The following PITPNC1 variants were observed in gnomAD, a reference collection of about 807,000 sequenced individuals.
The protein encoded by PITPNC1 is cytoplasmic phosphatidylinositol transfer protein 1.
Under a neutral mutation model 44.7 loss-of-function variants are expected in PITPNC1, and 18 were observed. The ratio of observed to expected loss-of-function variants is 0.40; its 90% CI spans 0.28 to 0.60. PITPNC1 has a LOEUF of 0.60. Ranked by LOEUF, PITPNC1 falls within the 20% of genes least tolerant of loss-of-function variation. The pLI, the probability that PITPNC1 is intolerant of heterozygous loss-of-function variation, is 0.39. For synonymous variants in PITPNC1, 141 were observed against 149.6 expected (o/e 0.94, Z 0.42); for missense variants, 290 against 418.4 (o/e 0.69, Z 2.68).
chr17:67,427,734 C>T (rs2038792440), intron 1 of PITPNC1, among the ~76,000 whole-genome samples: 1 of 152,174 alleles, frequency 6.6e-6, no homozygotes, highest in Admixed American at 6.5e-5. Context: ...AACAAAACTC[C>T]AGGCAAATAC....
intron 6 of PITPNC1, among the ~76,000 whole-genome samples, chr17:67,636,342 G>C (rs181551900): frequency 6.6e-6 from 1 of 151,920 alleles, no homozygotes; most frequent in Non-Finnish European, 1.5e-5. Flanking sequence ...GCCAAGGCTG[G>C]GAAGCCTTGT....
intron 1 of PITPNC1, chr17:67,459,748 T>TA (rs1409972122): frequency 6.6e-6 from 1 of 152,092 alleles, no homozygotes; most frequent in African/African-American, 2.4e-5. Context: ...CCCATAAACT[T>TA]ACCCGTTATC....
chr17:67,505,767 G>A (rs754031778), intron 1 of PITPNC1, among the ~76,000 whole-genome samples: 2 of 152,162 alleles, frequency 1.3e-5, no homozygotes, highest in South Asian at 2.1e-4. Context: ...GAGCCACCGC[G>A]CCCAGCCCAA....
rs376259121 is a variant in PITPNC1, at chr17:67,498,033, TG to T, written c.49-34768del. Among the ~76,000 whole-genome samples the T allele has an allele frequency of 4.8e-3, 730 of 151,862 alleles. 4 individuals carry two copies. The highest frequency in any genetic ancestry group is 0.016 in the African/African-American group (668 of 41,406). On this transcript the variant is annotated intron_variant, in intron 1 of 8. Coordinates refer to ENST00000581322, the MANE Select transcript of PITPNC1 (RefSeq NM_012417.4). ...GCGCCACCAGGCCTGGCTAATTTTT[TG>T]TATTTTTGGAAGAGACGGGGTTTGG...
chr17:67,621,906 C>G (rs2041834409), intron 5 of PITPNC1, among the ~76,000 whole-genome samples: 1 of 152,022 alleles, frequency 6.6e-6, no homozygotes. Context: ...TCACTTTAGC[C>G]AGGAGTTTGA....
At chr17:67,378,251 C>G (rs1405218464) in intron 1 of PITPNC1, 49 bp downstream of exon 1, 2 of 1,295,278 alleles carry the variant, frequency 1.5e-6, no homozygotes. Flanking sequence ...ACCCCCGCCG[C>G]TACCGCCGCC....
intron 1 of PITPNC1, among the ~76,000 whole-genome samples, chr17:67,436,907 T>G (rs1199148187): frequency 1.6e-5 from 2 of 127,566 alleles, no homozygotes; most frequent in African/African-American, 3.0e-5. Context: ...AAAATAGGGG[T>G]GTTTTTTTTT....
intron 1 of PITPNC1, among the ~76,000 whole-genome samples, chr17:67,389,278 C>G (rs553701933): frequency 1.3e-5 from 2 of 152,044 alleles, no homozygotes; most frequent in Non-Finnish European, 2.9e-5. Context: ...GACTTGCTGT[C>G]TCTGACTTCT....
At position 67,599,028 on chromosome 17, in the gene PITPNC1, ATATATATTTTTTTTT is replaced by A. The variant is rs1259299774; in HGVS notation, c.366+20773_366+20787del. Among the ~76,000 whole-genome samples, 172 of 32,594 alleles carry A rather than the reference ATATATATTTTTTTTT, an allele frequency of 5.3e-3. 4 individuals carry two copies. The highest frequency in any genetic ancestry group is 5.0e-3 in the Non-Finnish European group (89 of 17,870). 21.4% of individuals were successfully genotyped at this position (32,594 alleles called of 152,430 possible). A position where few individuals can be genotyped will look rare whatever the true frequency, so the allele number is the denominator to read the frequency against. On this transcript the variant is annotated intron_variant, in intron 5 of 8. Coordinates refer to ENST00000581322, the MANE Select transcript of PITPNC1 (RefSeq NM_012417.4). ...TATATATATATATATATATATATAT[ATATATATTTTTTTTT>A]TTTTTTTTTTTACCATGTTGGCCAG...
Position 67,632,248 on chromosome 17 carries a change from A to C in PITPNC1, c.462+10A>C. The C allele has an allele frequency of 6.6e-7, 1 of 1,510,646 alleles. No homozygotes were observed. Among genetic ancestry groups the C allele is most frequent in the Non-Finnish European group, 9.2e-7 (1 of 1,086,056 alleles). The allele number at this position is 1,510,646 out of a possible 1,614,324, so 93.6% of individuals were successfully genotyped here. A position where few individuals can be genotyped will look rare whatever the true frequency, so the allele number is the denominator to read the frequency against. On this transcript the variant is annotated intron_variant, in intron 6 of 8. Coordinates refer to ENST00000581322, the MANE Select transcript of PITPNC1 (RefSeq NM_012417.4). ...CTACAAAGAATCTGAGGTAAGCAAC[A>C]GTTGGGATGAGATGTGGAAGATTCA...
At chr17:67,381,124 G>C in intron 1 of PITPNC1, among the ~76,000 whole-genome samples, 1 of 151,962 alleles carries the variant, frequency 6.6e-6, no homozygotes, top group South Asian at 2.1e-4. Context: ...TCAGGAGATC[G>C]AGACCATCCT....
In PITPNC1 at chr17:67,588,153, G is replaced by A. The variant is rs184003029; in HGVS notation, c.366+9896G>A. ...AGAGTAGCTGGGACTACAGGTGCGC[G>A]CCACCACACCCAGCTAATGTTTATA... On this transcript the variant is annotated intron_variant, in intron 5 of 8. Coordinates refer to ENST00000581322, the MANE Select transcript of PITPNC1 (RefSeq NM_012417.4). Among the ~76,000 whole-genome samples, 7 of 152,170 alleles carry A rather than the reference G, an allele frequency of 4.6e-5. No homozygotes were observed. In the East Asian group the frequency reaches 5.8e-4, roughly 13 times the overall value.
At chr17:67,632,292 A>G in intron 6 of PITPNC1, 54 bp downstream of exon 6, 1 of 1,156,838 alleles carries the variant, frequency 8.6e-7, no homozygotes, top group Non-Finnish European at 1.3e-6. Context: ...TTCATTCCAC[A>G]ACTATTTCTT....
chr17:67,532,234 G>C (rs1001809770), intron 1 of PITPNC1, among the ~76,000 whole-genome samples: 1 of 152,136 alleles, frequency 6.6e-6, no homozygotes, highest in African/African-American at 2.4e-5. Context: ...TGGGGGAGCC[G>C]GGGCCTCTGG....
intron 1 of PITPNC1, among the ~76,000 whole-genome samples, chr17:67,478,865 G>A (rs2039665899): frequency 6.6e-6 from 1 of 151,596 alleles, no homozygotes; most frequent in South Asian, 2.1e-4. Context: ...ACCCCAAACT[G>A]AGCCTGCGAC....
intron 5 of PITPNC1, among the ~76,000 whole-genome samples, chr17:67,614,273 T>C (rs1003062827): frequency 6.6e-6 from 1 of 152,084 alleles, no homozygotes; most frequent in African/African-American, 2.4e-5. Context: ...ACTGACACTT[T>C]ATTACGGAAT....
At chr17:67,402,178 A>G (rs1258881225) in intron 1 of PITPNC1, among the ~76,000 whole-genome samples, 1 of 152,258 alleles carries the variant, frequency 6.6e-6, no homozygotes, top group African/African-American at 2.4e-5. Context: ...GCTGTGTTCC[A>G]GTAACATTTT....
chr17:67,644,425 A>AT (rs750245444), intron 6 of PITPNC1, among the ~76,000 whole-genome samples: 1,436 of 109,016 alleles, frequency 0.013, 76 homozygotes, highest in East Asian at 0.018. Context: ...TCCCTCTGTA[A>AT]TTTTTTTTTT....
chr17:67,619,752 A>G (rs1384975644), intron 5 of PITPNC1, among the ~76,000 whole-genome samples: 5 of 118,562 alleles, frequency 4.2e-5, no homozygotes, highest in African/African-American at 1.6e-4. Context: ...ACCCCCACCC[A>G]GTGCCATCTG....
Sources: gnomAD v4.1 joint callset for allele counts (sites outside exome capture counted in the v4.1 genomes callset) on GRCh38, gnomAD v4.1.1 for gene constraint, MANE v1.5 for transcripts, NCBI Gene and HGNC (gene_info 2026-07-23, HGNC 2026-07-21) for gene names.